The following SORCS1 variants were observed in gnomAD, a reference collection of about 807,000 sequenced individuals.
SORCS1 encodes the protein sortilin related VPS10 domain containing receptor 1.
SORCS1 carries 60 observed loss-of-function variants against 146.1 expected under a neutral mutation model. The ratio of observed to expected loss-of-function variants is 0.41; its 90% CI spans 0.33 to 0.51. SORCS1 has a LOEUF of 0.51. SORCS1 is among the 20% of genes least tolerant of loss of function. The pLI, the probability that SORCS1 is intolerant of heterozygous loss-of-function variation, is 0.21. For missense variants in SORCS1, 1,352 were observed against 1,487.6 expected, an observed-to-expected ratio of 0.91 and a Z score of 1.50; for synonymous variants, 637 against 584.0, an observed-to-expected ratio of 1.09 and a Z score of -1.31.
intron 2 of SORCS1, among the ~76,000 whole-genome samples, chr10:106,849,405 G>C (rs11193072): frequency 0.4 from 54,107 of 135,652 alleles, 11,318 homozygotes; most frequent in African/African-American, 0.46. Context: ...GCATTCTTCA[G>C]GTAGTTCTTG....
At chr10:107,062,867 TCTG>T (rs1961364028) in intron 1 of SORCS1, among the ~76,000 whole-genome samples, 1 of 152,216 alleles carries the variant, frequency 6.6e-6, no homozygotes, top group Non-Finnish European at 1.5e-5. Context: ...AGTGTTTCAG[TCTG>T]CTGTTTTGTT....
At chr10:106,741,013 G>A (rs1353955947) in intron 5 of SORCS1, among the ~76,000 whole-genome samples, 2 of 152,156 alleles carry the variant, frequency 1.3e-5, no homozygotes, top group Non-Finnish European at 2.9e-5. Flanking sequence ...GACGAAATAC[G>A]TGTAGCTACT....
At chr10:106,788,216 C>T (rs1476660153) in intron 3 of SORCS1, among the ~76,000 whole-genome samples, 1 of 152,160 alleles carries the variant, frequency 6.6e-6, no homozygotes, top group Non-Finnish European at 1.5e-5. Flanking sequence ...GTCTCTCCTT[C>T]AACACCCAGG....
chr10:107,092,555 G>T (rs1590117483), intron 1 of SORCS1, among the ~76,000 whole-genome samples: 2 of 152,172 alleles, frequency 1.3e-5, no homozygotes, highest in East Asian at 3.9e-4. Context: ...CAATATGCCT[G>T]CCAGTCAGAT....
intron 19 of SORCS1, among the ~76,000 whole-genome samples, chr10:106,621,876 A>G (rs1431150353): frequency 3.3e-5 from 5 of 152,168 alleles, no homozygotes; most frequent in African/African-American, 7.2e-5. Context: ...CTTATCTTCC[A>G]GATTTTCCTG....
intron 1 of SORCS1, chr10:106,969,964 T>G (rs1226799778): frequency 2.6e-5 from 4 of 152,452 alleles, no homozygotes; most frequent in Middle Eastern, 3.4e-3. Context: ...TCAGGAGATA[T>G]GGACCTGAGC....
At chr10:107,151,841 A>T (rs1274094209) in intron 1 of SORCS1, among the ~76,000 whole-genome samples, 1 of 152,206 alleles carries the variant, frequency 6.6e-6, no homozygotes, top group African/African-American at 2.4e-5. Context: ...GGAGCAGAGA[A>T]ATTCTGGGGG....
At chr10:106,646,002 G>A (rs1373238038) in intron 18 of SORCS1, among the ~76,000 whole-genome samples, 9 of 152,112 alleles carry the variant, frequency 5.9e-5, no homozygotes, top group Non-Finnish European at 1.2e-4. Context: ...GGTAGCTCAC[G>A]CTTGTAAATC....
intron 22 of SORCS1, among the ~76,000 whole-genome samples, chr10:106,610,399 G>A (rs973673548): frequency 6.6e-6 from 1 of 151,882 alleles, no homozygotes; most frequent in African/African-American, 2.4e-5. Context: ...CTGAAATCAC[G>A]GTTTCAACAT....
At chr10:107,008,031 A>G (rs1957529923) in intron 1 of SORCS1, among the ~76,000 whole-genome samples, 1 of 147,524 alleles carries the variant, frequency 6.8e-6, no homozygotes, top group South Asian at 2.1e-4. Context: ...TTGTAGGTTA[A>G]TTATTCACAT....
At chr10:106,609,718 C>A (rs889337803) in intron 22 of SORCS1, among the ~76,000 whole-genome samples, 3 of 152,216 alleles carry the variant, frequency 2.0e-5, no homozygotes, top group African/African-American at 7.2e-5. Context: ...TTATGCTACA[C>A]AGCAGGCTAG....
Position 107,038,400 on chromosome 10 carries a change from T to TGG in SORCS1, c.559-81822_559-81821dup, listed in dbSNP as rs1190565576. ...AGACAGAGGACTGTCGTGGGGTGGG[T>TGG]GGGGGGGGAGAGACAGCATTAGGAG... is the stretch of plus-strand genomic sequence containing the variant. On this transcript the variant is annotated intron_variant, in intron 1 of 25. Coordinates refer to ENST00000263054, the MANE Select transcript of SORCS1 (RefSeq NM_052918.5). 6.3e-4 allele frequency among the ~76,000 whole-genome samples: 8 copies of TGG among 12,790 alleles called. No homozygotes were observed. The East Asian group carries it at 0.013, about 21-fold the overall frequency. The allele number at this position is 12,790 out of a possible 152,430, so 8.4% of individuals were successfully genotyped here.
intron 6 of SORCS1, among the ~76,000 whole-genome samples, chr10:106,709,802 C>T (rs1854840148): frequency 6.6e-6 from 1 of 152,140 alleles, no homozygotes; most frequent in Non-Finnish European, 1.5e-5. Flanking sequence ...ACGTTATTGT[C>T]ATTGTTATTA....
rs553104426 is a variant in SORCS1, at chr10:106,796,681, G to A, written c.727-19989C>T. Among the ~76,000 whole-genome samples the A allele has an allele frequency of 1.3e-3, 204 of 152,302 alleles. 2 individuals carry two copies. Among genetic ancestry groups the A allele is most frequent in the African/African-American group, 4.5e-3 (186 of 41,570 alleles). On this transcript the variant is annotated intron_variant, in intron 3 of 25. Transcript: ENST00000263054. ...AGTTGGGGGTGGGGAGAAAGAGAGC[G>A]AGCAGAGTTTGGGAACTAGAAACTT...
chr10:106,868,405 C>T (rs543635768), intron 2 of SORCS1, among the ~76,000 whole-genome samples: 2 of 152,278 alleles, frequency 1.3e-5, no homozygotes, highest in Admixed American at 6.5e-5. Flanking sequence ...TTCTTCTCAT[C>T]GTCATATGGT....
chr10:106,591,113 C>T (rs1333087139), intron 24 of SORCS1, among the ~76,000 whole-genome samples: 1 of 152,106 alleles, frequency 6.6e-6, no homozygotes, highest in Non-Finnish European at 1.5e-5. Flanking sequence ...ATGAGCTATG[C>T]CATGAAGTGA....
intron 19 of SORCS1, among the ~76,000 whole-genome samples, chr10:106,627,709 C>G (rs1359188031): frequency 6.6e-6 from 1 of 152,154 alleles, no homozygotes; most frequent in Non-Finnish European, 1.5e-5. Context: ...GTGTAACAAG[C>G]ACACTGCTTC....
At chr10:106,710,554 G>A (rs1306155787) in intron 6 of SORCS1, among the ~76,000 whole-genome samples, 2 of 151,938 alleles carry the variant, frequency 1.3e-5, no homozygotes, top group East Asian at 3.9e-4. Flanking sequence ...TACAACATCA[G>A]TAATGACAAC....
intron 1 of SORCS1, among the ~76,000 whole-genome samples, chr10:107,110,749 C>T (rs1384357192): frequency 6.6e-6 from 1 of 152,076 alleles, no homozygotes; most frequent in Non-Finnish European, 1.5e-5. Flanking sequence ...GGGGTCAGGA[C>T]TGCCTGCCCA....
Sources: gnomAD v4.1 joint callset for allele counts (sites outside exome capture counted in the v4.1 genomes callset) on GRCh38, gnomAD v4.1.1 for gene constraint, MANE v1.5 for transcripts, NCBI Gene and HGNC (gene_info 2026-07-23, HGNC 2026-07-21) for gene names.